The following DCLK2 variants were observed in gnomAD, a reference collection of about 807,000 sequenced individuals.
DCLK2 encodes the protein doublecortin like kinase 2.
In DCLK2, 31 loss-of-function variants were observed where a neutral mutation model predicts 78.4. That is an observed-to-expected ratio of 0.40 (90% confidence interval 0.30 to 0.53). The LOEUF (loss-of-function observed/expected upper bound fraction) is 0.53, where lower values mean the gene tolerates loss of function less well. Ranked by LOEUF, DCLK2 falls within the 20% of genes least tolerant of loss-of-function variation. DCLK2 has a pLI of 0.61. For missense variants in DCLK2, 872 were observed against 973.7 expected (o/e 0.90, Z 1.39); for synonymous variants, 407 against 374.9 (o/e 1.09, Z -0.99).
intron 12 of DCLK2, 109 bp from the exon 13 acceptor site, chr4:150,247,494 A>G (rs1743411798): frequency 3.7e-6 from 3 of 801,744 alleles, no homozygotes; most frequent in African/African-American, 1.7e-5. Context: ...CGGAATGCCC[A>G]AGTCAAAGCC....
chr4:150,169,740 G>A (rs1385351978), intron 2 of DCLK2, among the ~76,000 whole-genome samples: 2 of 152,048 alleles, frequency 1.3e-5, no homozygotes, highest in Non-Finnish European at 2.9e-5. Context: ...ATAGAAGTAG[G>A]GTACAGAAAC....
At chr4:150,232,064 A>T (rs1172522902) in intron 8 of DCLK2, among the ~76,000 whole-genome samples, 1 of 152,210 alleles carries the variant, frequency 6.6e-6, no homozygotes, top group Admixed American at 6.5e-5. Context: ...ATGACAAGCG[A>T]GAAGACAGTA....
At position 150,256,403 on chromosome 4, in the gene DCLK2, T is replaced by A; in HGVS notation, c.*156T>A. On this transcript the variant is annotated 3_prime_UTR_variant, in exon 16 of 16. Coordinates refer to ENST00000296550, the MANE Select transcript of DCLK2 (RefSeq NM_001040260.4). Reference sequence around the variant, plus strand: ...GCCGCCTGGGAACCGGAGCCTGGCGTGCCGGAGCCTGGCCTGGTGCTCTGG... The same window carrying A: ...GCCGCCTGGGAACCGGAGCCTGGCGAGCCGGAGCCTGGCCTGGTGCTCTGG... 2.0e-6 allele frequency: 2 copies of A among 1,022,178 alleles called. No homozygotes were observed. Among genetic ancestry groups the A allele is most frequent in the Non-Finnish European group, 2.7e-6 (2 of 729,484 alleles). The allele number at this position is 1,022,178 out of a possible 1,614,324, so 63.3% of individuals were successfully genotyped here.
At chr4:150,153,064 T>C (rs1051714730) in intron 2 of DCLK2, among the ~76,000 whole-genome samples, 3 of 152,148 alleles carry the variant, frequency 2.0e-5, no homozygotes, top group African/African-American at 7.2e-5. Context: ...GGACTTCCAT[T>C]AGTGAAGGAG....
At chr4:150,108,354 G>A (rs1731418187) in intron 2 of DCLK2, among the ~76,000 whole-genome samples, 1 of 151,128 alleles carries the variant, frequency 6.6e-6, no homozygotes, top group African/African-American at 2.4e-5. Context: ...CTGAAACAGG[G>A]TTTTAGTGAA....
intron 2 of DCLK2, among the ~76,000 whole-genome samples, chr4:150,122,951 A>G (rs1732668341): frequency 6.6e-6 from 1 of 152,144 alleles, no homozygotes; most frequent in South Asian, 2.1e-4. Context: ...ATCAGGTAAG[A>G]GCTTTGTCAC....
rs189054144 is a variant in DCLK2, at chr4:150,099,219, A to G, written c.422-3259A>G. Among the ~76,000 whole-genome samples the G allele has an allele frequency of 1.1e-4, 17 of 152,184 alleles. No homozygotes were observed. In the East Asian group the frequency reaches 3.3e-3, roughly 30 times the overall value. ...GCAGGTGCATAGTATCTAACCAAGAATGATTATTGATTTCTTTTTAGTAGA... is the reference window on the plus strand; with the variant it reads ...GCAGGTGCATAGTATCTAACCAAGAGTGATTATTGATTTCTTTTTAGTAGA... On this transcript the variant is annotated intron_variant, in intron 1 of 15. Coordinates refer to ENST00000296550, the MANE Select transcript of DCLK2 (RefSeq NM_001040260.4).
chr4:150,151,859 A>T (rs555746615), intron 2 of DCLK2, among the ~76,000 whole-genome samples: 117 of 152,196 alleles, frequency 7.7e-4, no homozygotes, highest in African/African-American at 2.3e-3. Flanking sequence ...TGGGAGGCAG[A>T]GGTTGCAGTG....
chr4:150,175,193 A>ATATATATTTATATATATTTATAT (rs1736970605), intron 2 of DCLK2, among the ~76,000 whole-genome samples: 1 of 63,610 alleles, frequency 1.6e-5, no homozygotes, highest in African/African-American at 8.9e-5. Flanking sequence ...TTTATAATTT[A>ATATATATTTATATATATTTATAT]TCTATATATA....
chr4:150,079,631 C>T (rs548724339), intron 1 of DCLK2, among the ~76,000 whole-genome samples, 183 bp downstream of exon 1: 236 of 152,354 alleles, frequency 1.5e-3, no homozygotes, highest in African/African-American at 5.5e-3. Flanking sequence ...TACACACTGA[C>T]TTTCCTTCCC....
At chr4:150,112,621 TTTTC>T (rs780999357) in intron 2 of DCLK2, among the ~76,000 whole-genome samples, 6 of 152,076 alleles carry the variant, frequency 3.9e-5, no homozygotes, top group Non-Finnish European at 7.4e-5. Context: ...TTGTTGGAGG[TTTTC>T]TTTATTTTTT....
intron 1 of DCLK2, among the ~76,000 whole-genome samples, chr4:150,092,811 A>G (rs1730186443): frequency 6.6e-6 from 1 of 152,198 alleles, no homozygotes; most frequent in African/African-American, 2.4e-5. Context: ...AATAATAAAG[A>G]CCATATATGA....
intron 1 of DCLK2, among the ~76,000 whole-genome samples, chr4:150,097,891 G>A (rs1380757161): frequency 1.3e-5 from 2 of 152,170 alleles, no homozygotes; most frequent in Non-Finnish European, 2.9e-5. Context: ...GAGAGAGAAG[G>A]CAGGGAAAGG....
At chr4:150,083,848 C>T (rs530730182) in intron 1 of DCLK2, among the ~76,000 whole-genome samples, 1 of 152,334 alleles carries the variant, frequency 6.6e-6, no homozygotes, top group Admixed American at 6.5e-5. Flanking sequence ...AGTCTCTTCC[C>T]ACTTCTCTGG....
intron 2 of DCLK2, among the ~76,000 whole-genome samples, chr4:150,152,960 G>A (rs995640664): frequency 6.6e-6 from 1 of 152,162 alleles, no homozygotes; most frequent in Non-Finnish European, 1.5e-5. Context: ...ACAAAATACC[G>A]TTAGAACAAA....
intron 2 of DCLK2, among the ~76,000 whole-genome samples, chr4:150,171,560 A>C (rs932665539): frequency 6.6e-6 from 1 of 152,240 alleles, no homozygotes; most frequent in Non-Finnish European, 1.5e-5. Flanking sequence ...AAAAAGGTCA[A>C]AATTAAAATT....
At chr4:150,105,637 C>T (rs547029469) in intron 2 of DCLK2, among the ~76,000 whole-genome samples, 2 of 151,964 alleles carry the variant, frequency 1.3e-5, no homozygotes, top group Admixed American at 6.5e-5. Flanking sequence ...CCTAAATGAC[C>T]TGACATGCAA....
intron 2 of DCLK2, among the ~76,000 whole-genome samples, chr4:150,161,023 A>G (rs1560822613): frequency 1.3e-5 from 2 of 152,250 alleles, no homozygotes; most frequent in Non-Finnish European, 2.9e-5. Context: ...TCAAAGAGGT[A>G]AATTCATTTG....
intron 5 of DCLK2, among the ~76,000 whole-genome samples, chr4:150,210,964 G>A (rs13118433): frequency 0.83 from 117,942 of 141,342 alleles, 48,849 homozygotes; most frequent in South Asian, 0.91. Flanking sequence ...AAAAAAAAAA[G>A]AAAGAAAGAA....
Sources: allele counts gnomAD v4.1 joint callset (sites outside exome capture counted in the v4.1 genomes callset), GRCh38; gene constraint gnomAD v4.1.1; transcripts MANE v1.5; gene names NCBI Gene and HGNC (gene_info 2026-07-23, HGNC 2026-07-21).